EDDM3A: variants seen among roughly 807,000 people sequenced by gnomAD.
EDDM3A encodes the protein epididymal protein 3A, also known as epididymal secretory protein E3-alpha.
For missense variants in EDDM3A, 199 were observed against 177.4 expected (o/e 1.12, Z -0.69); for synonymous variants, 75 against 60.4 (o/e 1.24, Z -1.12).
rs1350021239 is a variant in EDDM3A at position 20,747,970 on chromosome 14, T to C, written c.390T>C (p.Asp130=). 1.2e-6 allele frequency: 2 copies of C among 1,613,488 alleles called. No homozygotes were observed. Among genetic ancestry groups the C allele is most frequent in the Non-Finnish European group, 1.7e-6 (2 of 1,179,820 alleles). The part of the protein sequence containing the change: ...FSYIEFHCGV[D]GYVDNIEDLR... The stretch of plus-strand genomic sequence containing the variant: ...ACATTGAATTCCATTGTGGCGTAGA[T>C]GGATATGTTGATAACATAGAAGACC... Residue 130 remains aspartate, a synonymous_variant, in exon 2 of 2, where the codon GAT becomes GAC. Coordinates refer to ENST00000326842, the MANE Select transcript of EDDM3A (RefSeq NM_006683.5).
rs1051566021 is a variant in EDDM3A at position 20,747,827 on chromosome 14, G to A, written c.247G>A (p.Glu83Lys). 1.2e-6 allele frequency: 2 copies of A among 1,614,170 alleles called. No homozygotes were observed. The highest frequency in any genetic ancestry group is 2.2e-5 in the East Asian group (1 of 44,876). Reference sequence around the variant, plus strand: ...CAAAATTCAGCGTGCATGCATCAATGAGAAGGGGAGCGACCGATATAGAAA... The same window carrying A: ...CAAAATTCAGCGTGCATGCATCAATAAGAAGGGGAGCGACCGATATAGAAA... The part of the protein sequence containing the change: ...WFKIQRACIN[E>K]KGSDRYRNAY... Residue 83 changes from glutamate (E) to lysine (K), a missense_variant, in exon 2 of 2, where the codon GAG becomes AAG. Physicochemically the swap from Glu to Lys is moderately conservative, Grantham distance 56. Coordinates refer to ENST00000326842, the MANE Select transcript of EDDM3A (RefSeq NM_006683.5).
chr14:20,738,109 T>C, the EDDM3A span, among the ~76,000 whole-genome samples: 1 of 152,130 alleles, frequency 6.6e-6, no homozygotes, highest in Non-Finnish European at 1.5e-5. Context: ...AATTTTTGAG[T>C]GCACCTGGGG....
At chr14:20,746,084 G>C (rs776846704) in intron 1 of EDDM3A, 92 bp downstream of exon 1, 14 of 152,210 alleles carry the variant, frequency 9.2e-5, no homozygotes, top group Non-Finnish European at 1.5e-4. Context: ...AATGGAGAAG[G>C]ATCCAAATCA....
chr14:20,739,897 C>T, the EDDM3A span, among the ~76,000 whole-genome samples: 11 of 152,296 alleles, frequency 7.2e-5, no homozygotes, highest in East Asian at 7.7e-4. Context: ...AAACAAGAAT[C>T]GTGGGTCTTT....
chr14:20,736,235 G>T, the EDDM3A span, among the ~76,000 whole-genome samples: 1 of 151,872 alleles, frequency 6.6e-6, no homozygotes, highest in Non-Finnish European at 1.5e-5. Context: ...ACAGCTTCCT[G>T]AGTAGCTGGA....
the EDDM3A span, among the ~76,000 whole-genome samples, chr14:20,738,841 G>A: frequency 6.6e-6 from 1 of 152,198 alleles, no homozygotes; most frequent in Non-Finnish European, 1.5e-5. Flanking sequence ...AAGTCATAGG[G>A]AGATGACCAG....
upstream of EDDM3A, among the ~76,000 whole-genome samples, chr14:20,744,394 C>G (rs1417082645): frequency 6.6e-6 from 1 of 152,182 alleles, no homozygotes; most frequent in South Asian, 2.1e-4. Context: ...AGAAAATCAA[C>G]TAAGGTGGTT....
At chr14:20,739,711 GATA>G in the EDDM3A span, among the ~76,000 whole-genome samples, 1 of 152,094 alleles carries the variant, frequency 6.6e-6, no homozygotes, top group African/African-American at 2.4e-5. Flanking sequence ...GTTCTCTAAT[GATA>G]ATAATACACT....
upstream of EDDM3A, among the ~76,000 whole-genome samples, chr14:20,743,321 G>T (rs187182649): frequency 6.6e-6 from 1 of 152,154 alleles, no homozygotes; most frequent in East Asian, 1.9e-4. Context: ...AGGCCAAGGC[G>T]GGTGGATCAC....
At chr14:20,743,248 TG>T (rs1877489762), upstream of EDDM3A, among the ~76,000 whole-genome samples, 1 of 152,182 alleles carries the variant, frequency 6.6e-6, no homozygotes, top group South Asian at 2.1e-4. Context: ...AATTGAATAG[TG>T]GCTAACAAAA....
intron 1 of EDDM3A, among the ~76,000 whole-genome samples, chr14:20,746,813 G>A (rs2139081793): frequency 6.6e-6 from 1 of 152,260 alleles, no homozygotes; most frequent in South Asian, 2.1e-4. Flanking sequence ...CTTCTGCCTA[G>A]GAACCACCTC....
chr14:20,737,841 C>A, the EDDM3A span, among the ~76,000 whole-genome samples: 2 of 152,186 alleles, frequency 1.3e-5, no homozygotes, highest in Non-Finnish European at 2.9e-5. Flanking sequence ...GAGAGAGATA[C>A]AAAGTAAGAA....
At chr14:20,742,827 C>A (rs1159222650), upstream of EDDM3A, among the ~76,000 whole-genome samples, 1 of 151,856 alleles carries the variant, frequency 6.6e-6, no homozygotes, top group Non-Finnish European at 1.5e-5. Context: ...CAACTCCTGG[C>A]CTCAAGTGAT....
At chr14:20,736,403 C>G in the EDDM3A span, among the ~76,000 whole-genome samples, 1 of 152,196 alleles carries the variant, frequency 6.6e-6, no homozygotes, top group East Asian at 1.9e-4. Flanking sequence ...AGCCACCACG[C>G]TCCGCCCATC....
chr14:20,740,085 G>A, the EDDM3A span, among the ~76,000 whole-genome samples: 153 of 152,254 alleles, frequency 1.0e-3, no homozygotes, highest in African/African-American at 3.4e-3. Context: ...CACTTCAGCC[G>A]CTGTCCAGAC....
chr14:20,739,480 T>A, the EDDM3A span, among the ~76,000 whole-genome samples: 1 of 152,172 alleles, frequency 6.6e-6, no homozygotes, highest in African/African-American at 2.4e-5. Flanking sequence ...TCCCTTCTGC[T>A]AAGCCAAGCA....
In EDDM3A at chr14:20,747,926, G is replaced by T. The variant is rs1200318454; in HGVS notation, c.346G>T (p.Glu116Ter). The T allele has an allele frequency of 1.7e-5, 28 of 1,614,160 alleles. No homozygotes were observed. The highest frequency in any genetic ancestry group is 2.4e-5 in the Non-Finnish European group (28 of 1,180,002). ...GGAGAAGTACAACAATAGGTACACA[G>T]AGAGCAGAAGCTTCAGCTACATTGA... ...HWEKYNNRYT[E>*]SRSFSYIEFH... The change falls in exon 2 of 2, where the codon GAG (glutamate) becomes TAG (stop). Residue 116 changes from glutamate (E) to a stop codon, truncating the protein, a stop_gained. Coordinates refer to ENST00000326842, the MANE Select transcript of EDDM3A (RefSeq NM_006683.5). LOFTEE classifies it low-confidence loss of function (END_TRUNC).
chr14:20,740,106 C>T, the EDDM3A span, among the ~76,000 whole-genome samples: 2,690 of 152,310 alleles, frequency 0.018, 82 homozygotes, highest in African/African-American at 0.062. Flanking sequence ...CCCTCACAAA[C>T]CCTACCCTAA....
Position 20,747,829 on chromosome 14 carries a change from G to T in EDDM3A, c.249G>T (p.Glu83Asp). 3.7e-6 allele frequency: 6 copies of T among 1,614,148 alleles called. No individual in the cohort carries two copies. Among genetic ancestry groups the T allele is most frequent in the Non-Finnish European group, 4.2e-6 (5 of 1,180,010 alleles). ...WFKIQRACIN[E>D]KGSDRYRNAY... is the part of the protein sequence containing the mutation. Reference sequence around the variant, plus strand: ...AAATTCAGCGTGCATGCATCAATGAGAAGGGGAGCGACCGATATAGAAATG... The same window carrying T: ...AAATTCAGCGTGCATGCATCAATGATAAGGGGAGCGACCGATATAGAAATG... Residue 83 changes from glutamate (E) to aspartate (D), a missense_variant, in exon 2 of 2, where the codon GAG becomes GAT. Physicochemically the swap from Glu to Asp is conservative, Grantham distance 45. Coordinates refer to ENST00000326842, the MANE Select transcript of EDDM3A (RefSeq NM_006683.5).
Sources: allele counts gnomAD v4.1 joint callset (sites outside exome capture counted in the v4.1 genomes callset), GRCh38; gene constraint gnomAD v4.1.1; transcripts MANE v1.5; gene names NCBI Gene and HGNC (gene_info 2026-07-23, HGNC 2026-07-21).